Variants in CSF2RA observed in about 807,000 individuals in gnomAD.
CSF2RA encodes the protein granulocyte-macrophage colony-stimulating factor receptor subunit alpha.
A neutral mutation model predicts 51.6 loss-of-function variants in CSF2RA; 42 were observed. That is an observed-to-expected ratio of 0.81 (90% CI 0.64 to 1.05). The LOEUF is 1.05. Ranked by LOEUF, CSF2RA falls within the 50% of genes least tolerant of loss-of-function variation. CSF2RA has a pLI of 0.00. For synonymous variants in CSF2RA, 222 were observed against 193.0 expected (o/e 1.15, Z -1.24); for missense variants, 530 against 501.1 (o/e 1.06, Z -0.55).
At chrX:1,318,911 C>T in the CSF2RA span, among the ~76,000 whole-genome samples, 12 of 113,104 alleles carry the variant, frequency 1.1e-4, no homozygotes, top group Non-Finnish European at 1.9e-4. Flanking sequence ...AGCAAGACTC[C>T]ATCTCAAAAA....
At chrX:1,271,493 C>A (rs755932787) in intron 1 of CSF2RA, among the ~76,000 whole-genome samples, 2 of 151,178 alleles carry the variant, frequency 1.3e-5, no homozygotes, top group South Asian at 4.2e-4. Flanking sequence ...GCACGTGCCA[C>A]CATGCCCAGC....
chrX:1,274,102 G>A (rs2088829848), intron 1 of CSF2RA, among the ~76,000 whole-genome samples: 1 of 152,040 alleles, frequency 6.6e-6, no homozygotes, highest in South Asian at 2.1e-4. Flanking sequence ...AGAGAAAAAA[G>A]TATAAGCGGT....
chrX:1,308,190 G>A (rs73618057), intron 12 of CSF2RA, among the ~76,000 whole-genome samples: 35 of 152,116 alleles, frequency 2.3e-4, no homozygotes, highest in African/African-American at 7.5e-4. Context: ...CGTAGCAGCC[G>A]CTGAGTCATG....
chrX:1,320,175 A>G, the CSF2RA span, among the ~76,000 whole-genome samples: 2 of 150,704 alleles, frequency 1.3e-5, no homozygotes, highest in African/African-American at 4.8e-5. Context: ...GATTACAGGC[A>G]TGAGCCACTG....
Position 1,302,131 on chromosome X carries a change from T to G in CSF2RA, c.946+1505T>G, listed in dbSNP as rs1212445863. On this transcript the variant is annotated intron_variant, in intron 10 of 12. Transcript: ENST00000381529. ...GGGTTTCACCATGTTGGTCAGGCTGTTCTTGAACTCCTGACCTCAGGTGAT... is the reference window on the plus strand; with the variant it reads ...GGGTTTCACCATGTTGGTCAGGCTGGTCTTGAACTCCTGACCTCAGGTGAT... Among the ~76,000 whole-genome samples the G allele has an allele frequency of 1.2e-4, 18 of 150,348 alleles. No homozygotes were observed. The East Asian group carries it at 2.6e-3, about 22-fold the overall frequency.
chrX:1,316,962 A>T, the CSF2RA span, among the ~76,000 whole-genome samples: 29,179 of 151,934 alleles, frequency 0.19, 4,474 homozygotes, highest in East Asian at 0.45. Context: ...TTCTTTTTTT[A>T]TTGAGACGGA....
chrX:1,294,841 A>T (rs867128783), intron 8 of CSF2RA, among the ~76,000 whole-genome samples: 1 of 25,104 alleles, frequency 4.0e-5, no homozygotes, highest in Non-Finnish European at 9.6e-5. Context: ...AGGACACCCG[A>T]CCCCACCTCC....
At chrX:1,316,291 TAGATAGATAGATAGAC>T in the CSF2RA span, among the ~76,000 whole-genome samples, 1,141 of 148,896 alleles carry the variant, frequency 7.7e-3, 6 homozygotes, top group African/African-American at 9.3e-3. Context: ...GATAGATAGA[TAGATAGATAGATAGAC>T]AGACAGACAG....
At chrX:1,280,874 T>TCCTGCTCCTTCTCCTCCTCCTC (rs2089848445) in intron 2 of CSF2RA, among the ~76,000 whole-genome samples, 1 of 37,938 alleles carries the variant, frequency 2.6e-5, no homozygotes. Context: ...TCCTCCTCCT[T>TCCTGCTCCTTCTCCTCCTCCTC]CTCCTGCTCC....
chrX:1,320,736 C>T, the CSF2RA span, among the ~76,000 whole-genome samples: 446 of 149,838 alleles, frequency 3.0e-3, 4 homozygotes, highest in Middle Eastern at 0.025. Context: ...TGGTCTCGAT[C>T]CCCTGACCTT....
the CSF2RA span, among the ~76,000 whole-genome samples, chrX:1,322,482 G>A: frequency 8.1e-6 from 1 of 123,654 alleles, no homozygotes; most frequent in Non-Finnish European, 1.6e-5. Context: ...TCCAGAGAAA[G>A]ACCCTGTAAG....
chrX:1,282,429 T>C, intron 2 of CSF2RA: 1 of 585,880 alleles, frequency 1.7e-6, no homozygotes, highest in Non-Finnish European at 3.1e-6. Context: ...CCATGACCCA[T>C]GAACCATGGA....
chrX:1,314,354 A>G (rs1366545149), downstream of CSF2RA, among the ~76,000 whole-genome samples: 1 of 140,042 alleles, frequency 7.1e-6, no homozygotes, highest in African/African-American at 2.6e-5. Flanking sequence ...CGCCTGCCCA[A>G]CCCCACTGCA....
At chrX:1,289,688 TTTTTG>T (rs763950486) in intron 6 of CSF2RA, among the ~76,000 whole-genome samples, 1 of 150,916 alleles carries the variant, frequency 6.6e-6, no homozygotes, top group Admixed American at 6.6e-5. Context: ...GTTGTGTTTG[TTTTTG>T]TTTTGTGTTT....
chrX:1,321,649 A>C, the CSF2RA span, among the ~76,000 whole-genome samples: 1 of 152,058 alleles, frequency 6.6e-6, no homozygotes, highest in Admixed American at 6.6e-5. Flanking sequence ...GACCATCACC[A>C]AGCGAAATCT....
At chrX:1,268,907 C>T in intron 1 of CSF2RA, 28 bp downstream of exon 1, 1 of 453,844 alleles carries the variant, frequency 2.2e-6, no homozygotes, top group Non-Finnish European at 4.4e-6. Context: ...CTTCTGTGGT[C>T]TTTGAGCATG....
At chrX:1,291,727 C>T (rs2091416257) in intron 7 of CSF2RA, among the ~76,000 whole-genome samples, 2 of 152,074 alleles carry the variant, frequency 1.3e-5, no homozygotes, top group South Asian at 4.1e-4. Flanking sequence ...TCCACTTGGA[C>T]CCAGTGTAGA....
intron 11 of CSF2RA, among the ~76,000 whole-genome samples, chrX:1,304,293 G>C (rs1328292846): frequency 1.1e-5 from 1 of 90,262 alleles, no homozygotes; most frequent in Admixed American, 1.2e-4. Context: ...CCAGCTACTC[G>C]GGAGGCTGAG....
chrX:1,297,061 C>G (rs1603431154), intron 9 of CSF2RA, among the ~76,000 whole-genome samples: 1 of 59,554 alleles, frequency 1.7e-5, no homozygotes, highest in Non-Finnish European at 3.2e-5. Flanking sequence ...CTCACGACCC[C>G]TACACTTTCC....
Sources: gnomAD v4.1 joint callset for allele counts (sites outside exome capture counted in the v4.1 genomes callset) on GRCh38, gnomAD v4.1.1 for gene constraint, MANE v1.5 for transcripts, NCBI Gene and HGNC (gene_info 2026-07-23, HGNC 2026-07-21) for gene names.